Variants in MICU1 observed in about 807,000 individuals in gnomAD.
MICU1 encodes mitochondrial calcium uptake 1.
MICU1 carries 45 observed loss-of-function variants against 56.8 expected under a neutral mutation model. The ratio of observed to expected loss-of-function variants is 0.79; its 90% CI spans 0.62 to 1.02. The LOEUF (loss-of-function observed/expected upper bound fraction) is 1.02, where lower values mean the gene tolerates loss of function less well. MICU1 is among the 50% of genes least tolerant of loss of function. The probability of loss-of-function intolerance (pLI) is 0.00; values close to 1 mark genes in which losing one functional copy is unlikely to be tolerated. For synonymous variants in MICU1, 186 were observed against 195.1 expected, an observed-to-expected ratio of 0.95 and a Z score of 0.39; for missense variants, 504 against 587.1, an observed-to-expected ratio of 0.86 and a Z score of 1.46.
intron 8 of MICU1, among the ~76,000 whole-genome samples, chr10:72,442,426 G>A (rs1390255075): frequency 6.6e-6 from 1 of 151,948 alleles, no homozygotes; most frequent in Admixed American, 6.6e-5. Flanking sequence ...TTACAAGCGT[G>A]AGCCACCACG....
At chr10:72,523,767 G>A (rs887752563) in intron 5 of MICU1, 2 of 1,345,628 alleles carry the variant, frequency 1.5e-6, no homozygotes, top group African/African-American at 1.5e-5. Context: ...TACCATTAAA[G>A]AGCCCAAGCC....
chr10:72,507,978 C>A (rs1347977829), intron 6 of MICU1, among the ~76,000 whole-genome samples, 177 bp downstream of exon 6: 1 of 152,106 alleles, frequency 6.6e-6, no homozygotes, highest in Admixed American at 6.6e-5. Flanking sequence ...CTGCCTCTCT[C>A]AGGTGGTTCT....
intron 10 of MICU1, among the ~76,000 whole-genome samples, chr10:72,401,383 G>T (rs1170291955): frequency 6.6e-6 from 1 of 152,188 alleles, no homozygotes; most frequent in Non-Finnish European, 1.5e-5. Context: ...GCCAGGTGCG[G>T]TGGCTCACGC....
At chr10:72,392,986 T>C (rs949585774) in intron 10 of MICU1, among the ~76,000 whole-genome samples, 3 of 152,342 alleles carry the variant, frequency 2.0e-5, no homozygotes, top group Middle Eastern at 3.4e-3. Context: ...ATTACTACTA[T>C]CATCACCTCT....
chr10:72,512,609 T>C (rs1045887946), intron 5 of MICU1, among the ~76,000 whole-genome samples: 1 of 152,188 alleles, frequency 6.6e-6, no homozygotes, highest in Non-Finnish European at 1.5e-5. Context: ...TCTGTTTGAG[T>C]ACCTGTTGTC....
chr10:72,488,847 G>A (rs1446287982), intron 6 of MICU1, among the ~76,000 whole-genome samples: 1 of 152,184 alleles, frequency 6.6e-6, no homozygotes, highest in African/African-American at 2.4e-5. Context: ...GATTTGAAAT[G>A]GGTTCAAGCC....
chr10:72,434,026 A>C (rs1864630738), intron 8 of MICU1, among the ~76,000 whole-genome samples: 1 of 152,114 alleles, frequency 6.6e-6, no homozygotes. Context: ...TTGTGGAAGG[A>C]ATAATCTTGA....
chr10:72,543,582 G>A (rs997051439), intron 4 of MICU1, among the ~76,000 whole-genome samples: 1 of 152,282 alleles, frequency 6.6e-6, no homozygotes, highest in South Asian at 2.1e-4. Flanking sequence ...AGGGACGAAC[G>A]TGGTGGCTCA....
At chr10:72,434,291 A>T (rs1008533076) in intron 8 of MICU1, among the ~76,000 whole-genome samples, 1 of 152,124 alleles carries the variant, frequency 6.6e-6, no homozygotes, top group Non-Finnish European at 1.5e-5. Context: ...ATCAACTCGC[A>T]GAGCATTTTA....
chr10:72,468,124 C>G (rs564696252), intron 8 of MICU1, among the ~76,000 whole-genome samples: 1 of 152,232 alleles, frequency 6.6e-6, no homozygotes, highest in African/African-American at 2.4e-5. Context: ...CATGAGCCAT[C>G]GTGCCGGGCC....
intron 6 of MICU1, among the ~76,000 whole-genome samples, chr10:72,482,271 TG>T (rs1403062102): frequency 6.6e-6 from 1 of 152,228 alleles, no homozygotes; most frequent in African/African-American, 2.4e-5. Context: ...CATTATTTTT[TG>T]GTAGCACTGA....
At chr10:72,392,137 A>T (rs2132068762) in intron 10 of MICU1, 1 of 152,316 alleles carries the variant, frequency 6.6e-6, no homozygotes, top group African/African-American at 2.4e-5. Context: ...TAAAAATACT[A>T]TGCAACCGTT....
Position 72,532,903 on chromosome 10 carries a change from T to C in MICU1, c.537+843A>G, listed in dbSNP as rs938340901. On this transcript the variant is annotated intron_variant, in intron 5 of 11. Coordinates refer to ENST00000361114, the MANE Select transcript of MICU1 (RefSeq NM_001195518.2). Reference sequence around the variant, plus strand: ...TCCACCTTACCAGGATATGGACTTTTATGTAATAATGCAGGAATTGGCACA... The same window carrying C: ...TCCACCTTACCAGGATATGGACTTTCATGTAATAATGCAGGAATTGGCACA... 11 of 1,186,904 alleles carry C rather than the reference T, an allele frequency of 9.3e-6. No individual in the cohort carries two copies. In the South Asian group the frequency reaches 1.6e-4, roughly 18 times the overall value. The allele number at this position is 1,186,904 out of a possible 1,614,324, so 73.5% of individuals were successfully genotyped here. A position where few individuals can be genotyped will look rare whatever the true frequency, so the allele number is the denominator to read the frequency against.
chr10:72,479,217 G>A (rs1051579841), intron 6 of MICU1, among the ~76,000 whole-genome samples: 3 of 152,166 alleles, frequency 2.0e-5, no homozygotes, highest in African/African-American at 7.2e-5. Flanking sequence ...AGTGGGAATT[G>A]AACTTAAGTC....
At chr10:72,541,219 C>T (rs943482256) in intron 4 of MICU1, among the ~76,000 whole-genome samples, 2 of 152,210 alleles carry the variant, frequency 1.3e-5, no homozygotes, top group African/African-American at 4.8e-5. Context: ...TGCTAATAGT[C>T]CCTCCCTAAA....
chr10:72,417,562 T>C (rs1008886005), intron 9 of MICU1, among the ~76,000 whole-genome samples: 2 of 152,112 alleles, frequency 1.3e-5, no homozygotes, highest in Non-Finnish European at 2.9e-5. Flanking sequence ...TTGAACTGAG[T>C]TATAATTTTC....
intron 8 of MICU1, among the ~76,000 whole-genome samples, chr10:72,451,586 C>T (rs925969669): frequency 6.6e-6 from 1 of 152,140 alleles, no homozygotes; most frequent in Non-Finnish European, 1.5e-5. Flanking sequence ...CACTCTCACC[C>T]AGGCTGGAGT....
In MICU1 at chr10:72,553,525, G is replaced by A. The variant is rs1296920288; in HGVS notation, c.331-2184C>T. ...TGGGATTACAGGCGTGAGCCACTGC[G>A]CCCAGCCAGAAATACCTTTCTTTAG... On this transcript the variant is annotated intron_variant, in intron 3 of 11. Transcript: ENST00000361114. Among the ~76,000 whole-genome samples the A allele has an allele frequency of 7.9e-5, 12 of 152,252 alleles. No individual in the cohort carries two copies. The East Asian group carries it at 1.5e-3, about 20-fold the overall frequency.
chr10:72,530,306 C>T (rs1839440420), intron 5 of MICU1, among the ~76,000 whole-genome samples: 1 of 140,450 alleles, frequency 7.1e-6, no homozygotes, highest in Admixed American at 7.2e-5. Context: ...GCACTCCAGC[C>T]TGGGTGACAG....
Sources: gnomAD v4.1 joint callset for allele counts (sites outside exome capture counted in the v4.1 genomes callset) on GRCh38, gnomAD v4.1.1 for gene constraint, MANE v1.5 for transcripts, NCBI Gene and HGNC (gene_info 2026-07-23, HGNC 2026-07-21) for gene names.